Variants in TYW1B observed in about 807,000 individuals in gnomAD.
TYW1B encodes tRNA-yW synthesizing protein 1 homolog B.
Under a neutral mutation model 86.9 loss-of-function variants are expected in TYW1B, and 73 were observed. The ratio of observed to expected loss-of-function variants is 0.84; its 90% confidence interval spans 0.70 to 1.02. TYW1B has a LOEUF of 1.02. Among genes scored for constraint, TYW1B ranks in the 50% least tolerant of loss-of-function variants. The pLI is 0.00. For missense variants in TYW1B, 637 were observed against 827.4 expected (o/e 0.77, Z 2.82); for synonymous variants, 248 against 292.8 (o/e 0.85, Z 1.56).
At chr7:72,614,244 A>G (rs1812010765) in intron 13 of TYW1B, among the ~76,000 whole-genome samples, 1 of 152,242 alleles carries the variant, frequency 6.6e-6, no homozygotes. Context: ...CTCTGGAGTC[A>G]GATGCCAGGG....
At chr7:72,678,408 CAGA>C (rs1441135021) in intron 11 of TYW1B, among the ~76,000 whole-genome samples, 4 of 152,108 alleles carry the variant, frequency 2.6e-5, no homozygotes, top group African/African-American at 9.7e-5. Context: ...CCATTACAGG[CAGA>C]AAGAATGAAT....
In TYW1B at chr7:72,663,245, G is replaced by A. The variant is rs149001498; in HGVS notation, c.1506+31442C>T. On this transcript the variant is annotated intron_variant, in intron 11 of 13. Coordinates refer to ENST00000620995, the MANE Select transcript of TYW1B (RefSeq NM_001145440.3). ...CTTTGTTATCTGTTTGTGGCAATGGGTCACCATCATTTTAAATCCCAAACC... is the reference window on the plus strand; with the variant it reads ...CTTTGTTATCTGTTTGTGGCAATGGATCACCATCATTTTAAATCCCAAACC... Among the ~76,000 whole-genome samples, 438 of 152,136 alleles carry A rather than the reference G, an allele frequency of 2.9e-3. 3 individuals carry two copies. Among genetic ancestry groups the A allele is most frequent in the African/African-American group, 0.01 (421 of 41,484 alleles).
chr7:72,629,058 A>C, intron 11 of TYW1B, 61 bp from the exon 12 acceptor site: 2 of 1,503,152 alleles, frequency 1.3e-6, no homozygotes, highest in African/African-American at 1.4e-5. Flanking sequence ...CTTAACCTAG[A>C]GGGTTTCTCA....
intron 13 of TYW1B, among the ~76,000 whole-genome samples, chr7:72,605,155 C>T (rs1159088997): frequency 1.3e-5 from 2 of 152,098 alleles, no homozygotes; most frequent in Admixed American, 6.6e-5. Context: ...ATGACAATGA[C>T]AATATCACTG....
chr7:72,753,670 G>A (rs1554465494), intron 7 of TYW1B, among the ~76,000 whole-genome samples: 1 of 151,938 alleles, frequency 6.6e-6, no homozygotes, highest in Non-Finnish European at 1.5e-5. Context: ...TAGTAGAGAC[G>A]GGGTTTCAGC....
chr7:72,630,734 T>C (rs113615991), intron 11 of TYW1B, among the ~76,000 whole-genome samples: 32 of 149,580 alleles, frequency 2.1e-4, no homozygotes, highest in Non-Finnish European at 2.8e-4. Context: ...TAAAATGCAG[T>C]ATATCATGCA....
intron 13 of TYW1B, among the ~76,000 whole-genome samples, chr7:72,580,154 G>A (rs1327757608): frequency 1.6e-4 from 25 of 152,236 alleles, no homozygotes; most frequent in Non-Finnish European, 3.1e-4. Context: ...AATGAACAGA[G>A]CCACTAGACC....
chr7:72,827,313 CAGG>C (rs1788951235), intron 1 of TYW1B, among the ~76,000 whole-genome samples: 1 of 152,166 alleles, frequency 6.6e-6, no homozygotes, highest in African/African-American at 2.4e-5. Flanking sequence ...GAGGCTGAGG[CAGG>C]AGAACTGCTT....
intron 11 of TYW1B, among the ~76,000 whole-genome samples, chr7:72,640,375 G>A (rs1424459175): frequency 6.6e-6 from 1 of 152,010 alleles, no homozygotes; most frequent in Non-Finnish European, 1.5e-5. Flanking sequence ...AAAGACTAAA[G>A]AGAAAATTTT....
chr7:72,790,551 C>T (rs1788203054), intron 6 of TYW1B, among the ~76,000 whole-genome samples: 1 of 152,184 alleles, frequency 6.6e-6, no homozygotes, highest in Non-Finnish European at 1.5e-5. Context: ...CCAGTCCCTG[C>T]CCAGCAGCTG....
chr7:72,820,168 G>A (rs572879837), intron 2 of TYW1B, among the ~76,000 whole-genome samples: 7 of 152,200 alleles, frequency 4.6e-5, no homozygotes, highest in South Asian at 2.1e-4. Flanking sequence ...CCAGCTACTC[G>A]GGAGGCTGAG....
At chr7:72,764,607 G>A (rs1262118600) in intron 7 of TYW1B, among the ~76,000 whole-genome samples, 5 of 152,064 alleles carry the variant, frequency 3.3e-5, no homozygotes, top group Non-Finnish European at 7.4e-5. Flanking sequence ...ACACATTTCT[G>A]ATAATTTTAA....
At chr7:72,678,913 T>C (rs1406989516) in intron 11 of TYW1B, among the ~76,000 whole-genome samples, 4 of 151,330 alleles carry the variant, frequency 2.6e-5, no homozygotes, top group Non-Finnish European at 4.4e-5. Flanking sequence ...CTGGGCAACA[T>C]AGTGAGACTC....
intron 7 of TYW1B, among the ~76,000 whole-genome samples, chr7:72,776,008 G>A (rs1246166901): frequency 6.6e-6 from 1 of 152,126 alleles, no homozygotes; most frequent in East Asian, 1.9e-4. Context: ...AACACTCAGT[G>A]TGGTGGCTTA....
intron 11 of TYW1B, among the ~76,000 whole-genome samples, chr7:72,676,058 T>G (rs1178717370): frequency 6.6e-6 from 1 of 152,194 alleles, no homozygotes; most frequent in East Asian, 1.9e-4. Flanking sequence ...CGGTTATGGT[T>G]AACAAACTGA....
intron 11 of TYW1B, among the ~76,000 whole-genome samples, chr7:72,643,936 T>C (rs1235109562): frequency 6.6e-6 from 1 of 152,098 alleles, no homozygotes; most frequent in Non-Finnish European, 1.5e-5. Flanking sequence ...TTAAAGTCAT[T>C]AAAAGAAAGA....
rs190671590 is a variant in TYW1B at position 72,658,328 on chromosome 7, G to A, written c.1507-29331C>T. On this transcript the variant is annotated intron_variant, in intron 11 of 13. Transcript: ENST00000620995. ...TAAAATGCAACTAATTTAACACTGA[G>A]GTAAAACTGCTTGTATACAAAGAGG... Among the ~76,000 whole-genome samples the A allele has an allele frequency of 3.3e-5, 5 of 151,046 alleles. No homozygotes were observed. The East Asian group carries it at 9.6e-4, about 29-fold the overall frequency.
intron 11 of TYW1B, among the ~76,000 whole-genome samples, chr7:72,660,996 G>A (rs1407553079): frequency 2.7e-5 from 4 of 149,584 alleles, no homozygotes; most frequent in Admixed American, 1.3e-4. Context: ...TTAGCTAGGC[G>A]TGGTGGCACG....
At chr7:72,747,055 A>C (rs1490426932) in intron 7 of TYW1B, among the ~76,000 whole-genome samples, 1 of 151,894 alleles carries the variant, frequency 6.6e-6, no homozygotes, top group Non-Finnish European at 1.5e-5. Flanking sequence ...TGGCCTATGG[A>C]TATCTAATTG....
Sources: gnomAD v4.1 joint callset for allele counts (sites outside exome capture counted in the v4.1 genomes callset) on GRCh38, gnomAD v4.1.1 for gene constraint, MANE v1.5 for transcripts, NCBI Gene and HGNC (gene_info 2026-07-23, HGNC 2026-07-21) for gene names.